Variants in AIG1 observed in about 807,000 individuals in gnomAD.
AIG1 encodes the protein androgen-induced gene 1 protein.
AIG1 carries 23 observed loss-of-function variants against 31.4 expected under a neutral mutation model. The ratio of observed to expected loss-of-function variants is 0.73; its 90% CI spans 0.53 to 1.04. The LOEUF (loss-of-function observed/expected upper bound fraction) is 1.04, where lower values mean the gene tolerates loss of function less well. Ranked by LOEUF, AIG1 falls within the 50% of genes least tolerant of loss-of-function variation. The probability of loss-of-function intolerance (pLI) is 0.00; values close to 1 mark genes in which losing one functional copy is unlikely to be tolerated. For synonymous variants in AIG1, 100 were observed against 110.5 expected, an observed-to-expected ratio of 0.90 and a Z score of 0.60; for missense variants, 274 against 295.0, an observed-to-expected ratio of 0.93 and a Z score of 0.52.
rs113236684 is a variant in AIG1, at chr6:143,092,198, G to A, written c.141+31132G>A. 2.9e-3 allele frequency among the ~76,000 whole-genome samples: 448 copies of A among 152,030 alleles called. 4 individuals carry two copies. Among genetic ancestry groups the A allele is most frequent in the African/African-American group, 0.01 (430 of 41,458 alleles). On this transcript the variant is annotated intron_variant, in intron 1 of 5. Coordinates refer to ENST00000357847, the MANE Select transcript of AIG1 (RefSeq NM_016108.4). ...TGGCTCACTGCAGCCTTGACCTCCT[G>A]GGCTCAAGAGATCCTCCTGCCTCAG...
chr6:143,339,063 C>T (rs1416472647), intron 5 of AIG1: 2 of 152,032 alleles, frequency 1.3e-5, no homozygotes, highest in African/African-American at 4.8e-5. Context: ...ATGATTCTAC[C>T]AGGATTGGGT....
chr6:143,243,435 G>A (rs1794396894), intron 3 of AIG1, among the ~76,000 whole-genome samples: 1 of 152,206 alleles, frequency 6.6e-6, no homozygotes, highest in Admixed American at 6.5e-5. Flanking sequence ...TTAGCAAGGT[G>A]CTTCCCATAA....
intron 3 of AIG1, among the ~76,000 whole-genome samples, chr6:143,246,271 C>CA (rs34362079): frequency 8.6e-4 from 126 of 145,772 alleles, no homozygotes; most frequent in Admixed American, 2.1e-3. Context: ...GGGCAATTTA[C>CA]AAAAAAAAAA....
At chr6:143,188,637 T>C (rs1789497103) in intron 3 of AIG1, 3 of 984,954 alleles carry the variant, frequency 3.0e-6, no homozygotes, top group South Asian at 9.4e-5. Context: ...AAAATCTGAT[T>C]CTACACTTCT....
At chr6:143,097,057 AT>A (rs1219120162) in intron 1 of AIG1, among the ~76,000 whole-genome samples, 2 of 152,200 alleles carry the variant, frequency 1.3e-5, no homozygotes, top group Non-Finnish European at 2.9e-5. Context: ...ATATGACCTA[AT>A]TTGATATTTA....
At chr6:143,147,728 T>C (rs1358746963) in intron 2 of AIG1, among the ~76,000 whole-genome samples, 2 of 152,228 alleles carry the variant, frequency 1.3e-5, no homozygotes, top group Non-Finnish European at 2.9e-5. Flanking sequence ...CGGAAGCCTC[T>C]GCTGTCACCT....
intron 3 of AIG1, among the ~76,000 whole-genome samples, chr6:143,167,913 G>A (rs1216667973): frequency 6.6e-6 from 1 of 152,158 alleles, no homozygotes; most frequent in African/African-American, 2.4e-5. Flanking sequence ...GAAAAAAGAA[G>A]TTGCGCATGG....
At chr6:143,261,207 C>G (rs1795754317) in intron 3 of AIG1, among the ~76,000 whole-genome samples, 1 of 152,188 alleles carries the variant, frequency 6.6e-6, no homozygotes, top group Admixed American at 6.5e-5. Flanking sequence ...TCTCAGCTCA[C>G]TGCAATCTCC....
chr6:143,084,078 G>A (rs930739293), intron 1 of AIG1, among the ~76,000 whole-genome samples: 5 of 152,144 alleles, frequency 3.3e-5, no homozygotes, highest in Admixed American at 1.3e-4. Context: ...ACAGTTGTCC[G>A]GGACAGGAGA....
intron 3 of AIG1, among the ~76,000 whole-genome samples, chr6:143,195,672 C>T (rs1470176364): frequency 6.6e-6 from 1 of 151,918 alleles, no homozygotes; most frequent in African/African-American, 2.4e-5. Flanking sequence ...GGAGGGAGCC[C>T]TCGCCAGGGA....
chr6:143,329,842 G>A lies in AIG1; in HGVS notation c.516-3440G>A, dbSNP rs1016764927. On this transcript the variant is annotated intron_variant, in intron 4 of 5. Transcript: ENST00000357847. The surrounding 1 kb of genome is among the most constrained non-coding windows in gnomAD (Gnocchi z 4.9). ...GTTTTATTGGAACACATCCACACTC[G>A]TTTACATATTGTCTATGGCTGCTTT... Among the ~76,000 whole-genome samples the A allele has an allele frequency of 1.2e-4, 18 of 152,240 alleles. No individual in the cohort carries two copies. The highest frequency in any genetic ancestry group is 4.3e-4 in the African/African-American group (18 of 41,532).
In AIG1 at chr6:143,335,082, A is replaced by G. The variant is rs1317860101; in HGVS notation, c.679+1637A>G. The G allele has an allele frequency of 2.7e-6, 4 of 1,455,700 alleles. No homozygotes were observed. In the African/African-American group the frequency reaches 5.7e-5, roughly 21 times the overall value. The allele number at this position is 1,455,700 out of a possible 1,614,324, so 90.2% of individuals were successfully genotyped here. A position where few individuals can be genotyped will look rare whatever the true frequency, so the allele number is the denominator to read the frequency against. Reference sequence around the variant, plus strand: ...AAATTAAGTTTATGTACCTAGGACCATCTAGTTAGTTCCACAAAGACAGAT... The same window carrying G: ...AAATTAAGTTTATGTACCTAGGACCGTCTAGTTAGTTCCACAAAGACAGAT... On this transcript the variant is annotated intron_variant, in intron 5 of 5. Transcript: ENST00000357847.
At chr6:143,205,536 G>A (rs955274505) in intron 3 of AIG1, among the ~76,000 whole-genome samples, 1 of 152,126 alleles carries the variant, frequency 6.6e-6, no homozygotes, top group Non-Finnish European at 1.5e-5. Context: ...GATAAATGAT[G>A]GATCCATAAA....
At chr6:143,282,037 A>C (rs1358915249) in intron 3 of AIG1, among the ~76,000 whole-genome samples, 1 of 152,230 alleles carries the variant, frequency 6.6e-6, no homozygotes, top group South Asian at 2.1e-4. Flanking sequence ...ATCATCAGCA[A>C]GTATCAGATG....
At chr6:143,189,841 T>C in intron 3 of AIG1, 1 of 962,798 alleles carries the variant, frequency 1.0e-6, no homozygotes. Flanking sequence ...CCATTCAGGC[T>C]ACTATAACAA....
At chr6:143,201,134 T>C (rs1562484861) in intron 3 of AIG1, among the ~76,000 whole-genome samples, 3 of 152,142 alleles carry the variant, frequency 2.0e-5, no homozygotes, top group African/African-American at 7.2e-5. Flanking sequence ...GATACTACTT[T>C]ATTATGAAAT....
rs1445271794 is a variant in AIG1, at chr6:143,279,878, T to G, written c.400-4232T>G. Among the ~76,000 whole-genome samples, 2 of 152,292 alleles carry G rather than the reference T, an allele frequency of 1.3e-5. No individual in the cohort carries two copies. Among genetic ancestry groups the G allele is most frequent in the Middle Eastern group, 3.4e-3 (1 of 294 alleles). On this transcript the variant is annotated intron_variant, in intron 3 of 5. Coordinates refer to ENST00000357847, the MANE Select transcript of AIG1 (RefSeq NM_016108.4). The surrounding 1 kb of genome is among the most constrained non-coding windows in gnomAD (Gnocchi z 5.4). ...TAGACCAGTACTTTCTAGGATGGAC[T>G]TTATATGGAAGACCAAAGGTTTACT...
intron 2 of AIG1, among the ~76,000 whole-genome samples, chr6:143,154,525 G>GA (rs756384918): frequency 1.2e-4 from 18 of 150,532 alleles, no homozygotes; most frequent in Non-Finnish European, 2.4e-4. Context: ...AAGAAAGAAA[G>GA]AAAAAAAAAG....
At chr6:143,095,165 A>G (rs562799948) in intron 1 of AIG1, among the ~76,000 whole-genome samples, 1 of 152,344 alleles carries the variant, frequency 6.6e-6, no homozygotes, top group East Asian at 1.9e-4. Context: ...TTCAGAATTT[A>G]GAAGAAAAGG....
Sources: allele counts gnomAD v4.1 joint callset (sites outside exome capture counted in the v4.1 genomes callset), GRCh38; gene constraint gnomAD v4.1.1; non-coding constraint Gnocchi (gnomAD v3.1); transcripts MANE v1.5; gene names NCBI Gene and HGNC (gene_info 2026-07-23, HGNC 2026-07-21).